Variants in FYN observed in about 807,000 individuals in gnomAD.
The protein encoded by FYN is FYN proto-oncogene, Src family tyrosine kinase, also known as tyrosine-protein kinase Fyn.
FYN carries 10 observed loss-of-function variants against 70.2 expected under a neutral mutation model. The observed-to-expected ratio is 0.14, with a 90% CI of 0.09 to 0.24. The LOEUF (loss-of-function observed/expected upper bound fraction) is 0.24, where lower values mean the gene tolerates loss of function less well. Among genes scored for constraint, FYN ranks in the 10% least tolerant of loss-of-function variants. The probability of loss-of-function intolerance (pLI) is 1.00; values close to 1 mark genes in which losing one functional copy is unlikely to be tolerated. For missense variants in FYN, 319 were observed against 673.1 expected (o/e 0.47, Z 5.82); for synonymous variants, 236 against 248.6 (o/e 0.95, Z 0.48).
At chr6:111,832,730 T>C (rs1773060214) in intron 2 of FYN, among the ~76,000 whole-genome samples, 3 of 152,322 alleles carry the variant, frequency 2.0e-5, no homozygotes, top group Non-Finnish European at 2.9e-5. Flanking sequence ...TTCCAAATTA[T>C]TTCCAGAATA....
intron 1 of FYN, among the ~76,000 whole-genome samples, chr6:111,856,820 G>A (rs1773834654): frequency 6.6e-6 from 1 of 151,986 alleles, no homozygotes; most frequent in African/African-American, 2.4e-5. Flanking sequence ...ATTTTCTGGT[G>A]AGAAAATACA....
chr6:111,742,707 C>T (rs566997189), intron 3 of FYN, among the ~76,000 whole-genome samples: 1 of 152,292 alleles, frequency 6.6e-6, no homozygotes, highest in Admixed American at 6.5e-5. Flanking sequence ...AATTCAAAGG[C>T]TAAAAGCCAA....
intron 3 of FYN, among the ~76,000 whole-genome samples, chr6:111,765,347 T>A (rs1477163007): frequency 6.6e-6 from 1 of 152,112 alleles, no homozygotes; most frequent in Non-Finnish European, 1.5e-5. Flanking sequence ...ATAGGGCTGG[T>A]CTTCTTATAG....
intron 12 of FYN, among the ~76,000 whole-genome samples, chr6:111,680,765 G>T (rs1268549546): frequency 6.6e-6 from 1 of 152,156 alleles, no homozygotes; most frequent in East Asian, 1.9e-4. Flanking sequence ...TCTCACATGT[G>T]AATAATACCA....
At chr6:111,828,986 G>T (rs1314869336) in intron 2 of FYN, among the ~76,000 whole-genome samples, 1 of 152,146 alleles carries the variant, frequency 6.6e-6, no homozygotes, top group Non-Finnish European at 1.5e-5. Context: ...TGTGCACAGG[G>T]AATCCCCAAG....
chr6:111,666,996 A>C (rs776934938), intron 13 of FYN, among the ~76,000 whole-genome samples: 1 of 152,134 alleles, frequency 6.6e-6, no homozygotes, highest in Non-Finnish European at 1.5e-5. Flanking sequence ...AGCCAAGAAG[A>C]CTGTGCTCAC....
At chr6:111,721,367 A>C (rs1218991411) in intron 3 of FYN, among the ~76,000 whole-genome samples, 1 of 152,226 alleles carries the variant, frequency 6.6e-6, no homozygotes, top group Non-Finnish European at 1.5e-5. Flanking sequence ...ATAAATAGCA[A>C]CCAGATGAGT....
At chr6:111,735,288 G>A (rs981721884) in intron 3 of FYN, among the ~76,000 whole-genome samples, 31 of 152,338 alleles carry the variant, frequency 2.0e-4, no homozygotes, top group Admixed American at 1.8e-3. Context: ...GGATTGAAAT[G>A]TGTAGCTGGG....
At chr6:111,677,554 GA>G (rs1798589174) in intron 12 of FYN, among the ~76,000 whole-genome samples, 1 of 152,176 alleles carries the variant, frequency 6.6e-6, no homozygotes, top group Non-Finnish European at 1.5e-5. Flanking sequence ...CCCAGTCTAT[GA>G]AAACAGCATC....
At chr6:111,744,801 C>A (rs1029282441) in intron 3 of FYN, among the ~76,000 whole-genome samples, 8 of 152,010 alleles carry the variant, frequency 5.3e-5, no homozygotes, top group Non-Finnish European at 8.8e-5. Flanking sequence ...GAGGAAAAAA[C>A]CCCCAAAATA....
At chr6:111,710,745 C>T (rs536549636) in intron 5 of FYN, among the ~76,000 whole-genome samples, 16 of 152,232 alleles carry the variant, frequency 1.1e-4, no homozygotes, top group African/African-American at 3.1e-4. Context: ...ACTAGAAGCA[C>T]CAATTCACCT....
chr6:111,698,784 T>G (rs1799692626), intron 9 of FYN, among the ~76,000 whole-genome samples: 1 of 152,180 alleles, frequency 6.6e-6, no homozygotes, highest in African/African-American at 2.4e-5. Flanking sequence ...AAAATAATCC[T>G]TTAAATAAGT....
At chr6:111,679,159 A>T (rs1798677189) in intron 12 of FYN, among the ~76,000 whole-genome samples, 1 of 152,128 alleles carries the variant, frequency 6.6e-6, no homozygotes, top group South Asian at 2.1e-4. Context: ...TACCTGCTTC[A>T]CGGACAGGCT....
At chr6:111,708,318 T>C (rs1800200576) in intron 5 of FYN, 1 of 326,078 alleles carries the variant, frequency 3.1e-6, no homozygotes, top group Non-Finnish European at 5.9e-6. Context: ...TTAGTGTCCT[T>C]AACTTGGATG....
chr6:111,754,953 A>C (rs1329717425), intron 3 of FYN, among the ~76,000 whole-genome samples: 1 of 146,564 alleles, frequency 6.8e-6, no homozygotes, highest in Non-Finnish European at 1.5e-5. Flanking sequence ...GTGCTTAGAC[A>C]AGAAAATTTA....
intron 1 of FYN, among the ~76,000 whole-genome samples, chr6:111,856,735 C>A (rs2114507197): frequency 6.6e-6 from 1 of 152,180 alleles, no homozygotes; most frequent in South Asian, 2.1e-4. Context: ...ACTCTCTTGG[C>A]TCCCCCCCGA....
At chr6:111,861,210 A>G (rs1773953328) in intron 1 of FYN, among the ~76,000 whole-genome samples, 2 of 152,256 alleles carry the variant, frequency 1.3e-5, no homozygotes, top group East Asian at 3.8e-4. Context: ...TGCACAGTGT[A>G]GTATCACGCA....
chr6:111,750,414 T>C (rs764173312), intron 3 of FYN, among the ~76,000 whole-genome samples: 2 of 152,166 alleles, frequency 1.3e-5, no homozygotes, highest in Non-Finnish European at 2.9e-5. Context: ...ATTGGAAGCT[T>C]CCGGAGGCCT....
At chr6:111,869,456 C>T (rs1413825568) in intron 1 of FYN, among the ~76,000 whole-genome samples, 2 of 152,220 alleles carry the variant, frequency 1.3e-5, no homozygotes, top group Non-Finnish European at 2.9e-5. Context: ...AGTGGTATGA[C>T]CTCAGCTCAC....
Sources: allele counts gnomAD v4.1 joint callset (sites outside exome capture counted in the v4.1 genomes callset), GRCh38; gene constraint gnomAD v4.1.1; transcripts MANE v1.5; gene names NCBI Gene and HGNC (gene_info 2026-07-23, HGNC 2026-07-21).